UVRAG: variants seen among roughly 807,000 people sequenced by gnomAD.
The protein encoded by UVRAG is UV radiation resistance associated.
A neutral mutation model predicts 78.0 loss-of-function variants in UVRAG; 19 were observed. That is an observed-to-expected ratio of 0.24 (90% CI 0.17 to 0.36). The LOEUF is 0.36. Among genes scored for constraint, UVRAG ranks in the 10% least tolerant of loss-of-function variants. The pLI, the probability that UVRAG is intolerant of heterozygous loss-of-function variation, is 1.00. For missense variants in UVRAG, 740 were observed against 853.8 expected, an observed-to-expected ratio of 0.87 and a Z score of 1.66; for synonymous variants, 323 against 324.6, an observed-to-expected ratio of 1.00 and a Z score of 0.05.
chr11:75,911,456 A>C (rs1273247128), intron 5 of UVRAG: 1 of 168,274 alleles, frequency 5.9e-6, no homozygotes, highest in African/African-American at 2.4e-5. Context: ...TTCAGCCATC[A>C]TCTGGAGCTC....
intron 12 of UVRAG, among the ~76,000 whole-genome samples, chr11:76,036,258 G>A (rs1449058464): frequency 6.6e-6 from 1 of 152,136 alleles, no homozygotes; most frequent in Admixed American, 6.5e-5. Context: ...AGGTTAAAAC[G>A]TTAAATTAGG....
chr11:75,837,163 T>C (rs1329788237), intron 1 of UVRAG, among the ~76,000 whole-genome samples: 1 of 151,830 alleles, frequency 6.6e-6, no homozygotes, highest in African/African-American at 2.4e-5. Flanking sequence ...CCCCATCCAC[T>C]AAAAATACAA....
At chr11:76,058,010 A>G (rs1053868694) in intron 12 of UVRAG, among the ~76,000 whole-genome samples, 1 of 151,894 alleles carries the variant, frequency 6.6e-6, no homozygotes, top group Non-Finnish European at 1.5e-5. Context: ...TTTGAAGTGC[A>G]TGTAGCCTTA....
intron 6 of UVRAG, among the ~76,000 whole-genome samples, chr11:75,956,449 G>A (rs578190416): frequency 1.4e-5 from 2 of 147,408 alleles, no homozygotes; most frequent in East Asian, 4.0e-4. Flanking sequence ...GCAATGGCAC[G>A]ATCTCAGCTC....
intron 13 of UVRAG, among the ~76,000 whole-genome samples, 162 bp downstream of exon 13, chr11:76,065,950 G>A (rs578032621): frequency 5.3e-5 from 8 of 151,916 alleles, no homozygotes; most frequent in African/African-American, 1.7e-4. Context: ...GTCTTTTTCC[G>A]TGCCCTTAAA....
intron 8 of UVRAG, among the ~76,000 whole-genome samples, chr11:75,986,129 T>C (rs1949497674): frequency 6.6e-6 from 1 of 152,196 alleles, no homozygotes; most frequent in Non-Finnish European, 1.5e-5. Context: ...ATTGAATATA[T>C]TTATCAAATG....
intron 7 of UVRAG, among the ~76,000 whole-genome samples, chr11:75,977,391 G>A (rs911190067): frequency 7.9e-5 from 12 of 152,288 alleles, no homozygotes; most frequent in African/African-American, 2.6e-4. Flanking sequence ...AGGTCTGCTT[G>A]GTGCAGAGAG....
chr11:75,934,156 G>A (rs752153833), intron 6 of UVRAG, among the ~76,000 whole-genome samples: 2 of 152,062 alleles, frequency 1.3e-5, no homozygotes, highest in African/African-American at 2.4e-5. Context: ...ATACTATTCC[G>A]CCATTAAAAA....
chr11:75,929,354 C>T (rs575828491), intron 6 of UVRAG, among the ~76,000 whole-genome samples: 15 of 152,106 alleles, frequency 9.9e-5, no homozygotes, highest in Non-Finnish European at 1.6e-4. Context: ...CAGTCACCCC[C>T]CTCCATTCTG....
intron 9 of UVRAG, among the ~76,000 whole-genome samples, 175 bp from the exon 10 acceptor site, chr11:76,007,359 C>T (rs1320298577): frequency 6.6e-6 from 1 of 152,126 alleles, no homozygotes; most frequent in Non-Finnish European, 1.5e-5. Flanking sequence ...TTGATTGATA[C>T]TATTTGGAGA....
At chr11:76,090,651 T>G (rs1164955288) in intron 13 of UVRAG, among the ~76,000 whole-genome samples, 1 of 152,244 alleles carries the variant, frequency 6.6e-6, no homozygotes, top group African/African-American at 2.4e-5. Flanking sequence ...TGTAGTATAC[T>G]GTGATTACTT....
intron 1 of UVRAG, among the ~76,000 whole-genome samples, chr11:75,832,167 T>G (rs1256248169): frequency 1.3e-5 from 2 of 152,140 alleles, no homozygotes; most frequent in Non-Finnish European, 2.9e-5. Flanking sequence ...ATATGTTGGG[T>G]TTTCCCCCCA....
intron 13 of UVRAG, among the ~76,000 whole-genome samples, chr11:76,095,885 A>AC (rs1951778325): frequency 6.6e-6 from 1 of 151,264 alleles, no homozygotes; most frequent in Non-Finnish European, 1.5e-5. Context: ...AAAAAAAAAA[A>AC]AAAAAAAGCC....
intron 13 of UVRAG, among the ~76,000 whole-genome samples, chr11:76,087,274 A>C (rs1310749695): frequency 6.6e-6 from 1 of 152,226 alleles, no homozygotes; most frequent in Non-Finnish European, 1.5e-5. Context: ...AAGTATTTAC[A>C]ATTACAGATA....
At chr11:76,001,386 T>G (rs1459582237) in intron 8 of UVRAG, among the ~76,000 whole-genome samples, 1 of 152,124 alleles carries the variant, frequency 6.6e-6, no homozygotes, top group Non-Finnish European at 1.5e-5. Context: ...AGCTTGTACC[T>G]TAACAAATTA....
intron 3 of UVRAG, among the ~76,000 whole-genome samples, chr11:75,867,612 A>C (rs1946564322): frequency 1.3e-5 from 2 of 152,182 alleles, no homozygotes; most frequent in African/African-American, 4.8e-5. Context: ...TCTTTTGGTA[A>C]ATGTATGGAT....
intron 13 of UVRAG, among the ~76,000 whole-genome samples, chr11:76,085,244 A>G (rs1276324617): frequency 1.3e-5 from 2 of 152,130 alleles, no homozygotes; most frequent in African/African-American, 4.8e-5. Context: ...GTGTTCAGGA[A>G]CTATAGCAAC....
At chr11:75,819,208 A>AC (rs1945333442) in intron 1 of UVRAG, among the ~76,000 whole-genome samples, 1 of 152,254 alleles carries the variant, frequency 6.6e-6, no homozygotes, top group African/African-American at 2.4e-5. Flanking sequence ...ATGTATGAGT[A>AC]CTAACTATAG....
chr11:76,083,790 G>C (rs142487060), intron 13 of UVRAG, among the ~76,000 whole-genome samples: 1 of 152,238 alleles, frequency 6.6e-6, no homozygotes, highest in African/African-American at 2.4e-5. Context: ...ATAATGACAA[G>C]GTCCCCTGAG....
Sources: gnomAD v4.1 joint callset for allele counts (sites outside exome capture counted in the v4.1 genomes callset) on GRCh38, gnomAD v4.1.1 for gene constraint, MANE v1.5 for transcripts, NCBI Gene and HGNC (gene_info 2026-07-23, HGNC 2026-07-21) for gene names.